The following CAMK1D variants were observed in gnomAD, a reference collection of about 807,000 sequenced individuals.
The protein encoded by CAMK1D is calcium/calmodulin-dependent protein kinase type 1D.
CAMK1D carries 9 observed loss-of-function variants against 47.7 expected under a neutral mutation model. That is an observed-to-expected ratio of 0.19 (90% CI 0.11 to 0.33). The LOEUF is 0.33. CAMK1D is among the 10% of genes least tolerant of loss of function. The pLI, the probability that CAMK1D is intolerant of heterozygous loss-of-function variation, is 1.00. For synonymous variants in CAMK1D, 184 were observed against 184.9 expected, an observed-to-expected ratio of 0.99 and a Z score of 0.04; for missense variants, 291 against 488.7, an observed-to-expected ratio of 0.60 and a Z score of 3.81.
chr10:12,453,942 C>T (rs943277660), intron 1 of CAMK1D, among the ~76,000 whole-genome samples: 3 of 152,284 alleles, frequency 2.0e-5, no homozygotes, highest in African/African-American at 4.8e-5. Flanking sequence ...ATCGTATCCT[C>T]TCTCTGTACA....
At chr10:12,675,642 C>T (rs937081672) in intron 3 of CAMK1D, among the ~76,000 whole-genome samples, 2 of 152,246 alleles carry the variant, frequency 1.3e-5, no homozygotes, top group African/African-American at 4.8e-5. Flanking sequence ...TTTCTTCCCC[C>T]AGTCCTACCC....
chr10:12,625,885 C>T (rs887606555), intron 2 of CAMK1D, among the ~76,000 whole-genome samples: 4 of 152,162 alleles, frequency 2.6e-5, no homozygotes, highest in African/African-American at 4.8e-5. Flanking sequence ...AAGCCATGCA[C>T]TTGTATAATA....
At chr10:12,360,522 A>C (rs1242724886) in intron 1 of CAMK1D, among the ~76,000 whole-genome samples, 6 of 152,210 alleles carry the variant, frequency 3.9e-5, no homozygotes, top group Non-Finnish European at 4.4e-5. Flanking sequence ...AGACTGCTTC[A>C]AATTTGCCTT....
chr10:12,507,782 C>T (rs188955325), intron 1 of CAMK1D, among the ~76,000 whole-genome samples: 1 of 152,316 alleles, frequency 6.6e-6, no homozygotes, highest in Admixed American at 6.5e-5. Context: ...AATTCCTTGC[C>T]GTCTGCCTTG....
chr10:12,421,398 C>T (rs1456205666), intron 1 of CAMK1D, among the ~76,000 whole-genome samples: 2 of 152,066 alleles, frequency 1.3e-5, no homozygotes, highest in Admixed American at 6.6e-5. Flanking sequence ...TGTTCCCTAG[C>T]CGCAGTATAG....
intron 5 of CAMK1D, among the ~76,000 whole-genome samples, chr10:12,782,031 T>A (rs1413163676): frequency 6.7e-6 from 1 of 149,484 alleles, no homozygotes; most frequent in Non-Finnish European, 1.5e-5. Flanking sequence ...TCATTCCTCA[T>A]GAATGACAGC....
At chr10:12,559,772 G>A (rs1424481209) in intron 2 of CAMK1D, among the ~76,000 whole-genome samples, 2 of 152,142 alleles carry the variant, frequency 1.3e-5, no homozygotes, top group African/African-American at 4.8e-5. Context: ...GGCAGTAGTG[G>A]CAGTGCCAGG....
chr10:12,698,332 A>G (rs1029368214), intron 3 of CAMK1D, among the ~76,000 whole-genome samples: 1 of 152,192 alleles, frequency 6.6e-6, no homozygotes, highest in Non-Finnish European at 1.5e-5. Flanking sequence ...TCTAGGGGAA[A>G]TACAGGGTTA....
At chr10:12,503,623 C>A (rs529768357) in intron 1 of CAMK1D, among the ~76,000 whole-genome samples, 1 of 152,282 alleles carries the variant, frequency 6.6e-6, no homozygotes, top group South Asian at 2.1e-4. Context: ...CCAGCTGACT[C>A]CACCCTTTAT....
At chr10:12,511,911 C>T (rs1215143320) in intron 1 of CAMK1D, among the ~76,000 whole-genome samples, 1 of 152,240 alleles carries the variant, frequency 6.6e-6, no homozygotes, top group Admixed American at 6.5e-5. Flanking sequence ...GAGCTTGGAG[C>T]TCCCTGGCTC....
intron 1 of CAMK1D, among the ~76,000 whole-genome samples, chr10:12,373,495 A>T (rs1588417405): frequency 6.7e-6 from 1 of 149,206 alleles, no homozygotes; most frequent in Admixed American, 6.6e-5. Context: ...AGCCAGGCGT[A>T]GTGGTGGGTG....
chr10:12,410,741 C>T lies in CAMK1D; in HGVS notation c.92+60831C>T, dbSNP rs572257966. Among the ~76,000 whole-genome samples, 48 of 152,292 alleles carry T rather than the reference C, an allele frequency of 3.2e-4. 1 individual carries two copies. Among genetic ancestry groups the T allele is most frequent in the Admixed American group, 2.2e-3 (33 of 15,292 alleles). On this transcript the variant is annotated intron_variant, in intron 1 of 10. Coordinates refer to ENST00000619168, the MANE Select transcript of CAMK1D (RefSeq NM_153498.4). ...ACACACGTTTAGCAGGAATGACACA[C>T]GTTTAATGTTGTGACCAGAGGCAGA...
intron 3 of CAMK1D, among the ~76,000 whole-genome samples, chr10:12,713,164 A>G (rs1372049851): frequency 2.0e-5 from 3 of 151,904 alleles, no homozygotes; most frequent in Non-Finnish European, 4.4e-5. Context: ...TCTGCCTTCC[A>G]GGTTCAAGCG....
intron 2 of CAMK1D, among the ~76,000 whole-genome samples, chr10:12,593,932 T>C (rs1386947179): frequency 6.6e-6 from 1 of 152,104 alleles, no homozygotes; most frequent in Non-Finnish European, 1.5e-5. Context: ...ATCTCAGCAC[T>C]TTGGGAGGCC....
intron 1 of CAMK1D, among the ~76,000 whole-genome samples, chr10:12,545,256 A>T (rs1285426403): frequency 3.7e-4 from 1 of 2,698 alleles, no homozygotes; most frequent in Non-Finnish European, 3.7e-3. Context: ...CCTGGTCAAC[A>T]TGGTGAAAAC....
chr10:12,525,565 A>G (rs1835594266), intron 1 of CAMK1D, among the ~76,000 whole-genome samples: 1 of 152,064 alleles, frequency 6.6e-6, no homozygotes, highest in Non-Finnish European at 1.5e-5. Flanking sequence ...TAAAATTCAC[A>G]TTTTTTCCAA....
chr10:12,624,412 C>T (rs79280871), intron 2 of CAMK1D, among the ~76,000 whole-genome samples: 5,024 of 152,202 alleles, frequency 0.033, 217 homozygotes, highest in African/African-American at 0.1. Flanking sequence ...ATTTCCCTCC[C>T]GTCAAGTCCC....
intron 2 of CAMK1D, among the ~76,000 whole-genome samples, chr10:12,610,945 G>A (rs151130126): frequency 6.6e-6 from 1 of 152,178 alleles, no homozygotes; most frequent in African/African-American, 2.4e-5. Context: ...AAGGGAACAG[G>A]TAATAGCAGC....
At chr10:12,708,513 CAATT>C (rs1423675457) in intron 3 of CAMK1D, among the ~76,000 whole-genome samples, 1 of 152,170 alleles carries the variant, frequency 6.6e-6, no homozygotes, top group African/African-American at 2.4e-5. Context: ...CACGTAAACA[CAATT>C]TATTTTTTCA....
Sources: gnomAD v4.1 joint callset for allele counts (sites outside exome capture counted in the v4.1 genomes callset) on GRCh38, gnomAD v4.1.1 for gene constraint, MANE v1.5 for transcripts, NCBI Gene and HGNC (gene_info 2026-07-23, HGNC 2026-07-21) for gene names.